Variants in MCRIP2 observed in about 807,000 individuals in gnomAD.
MCRIP2 encodes the protein MAPK regulated corepressor interacting protein 2.
In MCRIP2, 21 loss-of-function variants were observed where a neutral mutation model predicts 23.2. That is an observed-to-expected ratio of 0.90 (90% CI 0.64 to 1.30). The LOEUF is 1.30. MCRIP2 is among the 50% of genes most tolerant of loss of function. The probability of loss-of-function intolerance (pLI) is 0.00; values close to 1 mark genes in which losing one functional copy is unlikely to be tolerated. For missense variants in MCRIP2, 234 were observed against 223.2 expected (o/e 1.05, Z -0.31); for synonymous variants, 121 against 100.2 (o/e 1.21, Z -1.24).
chr16:642,066 G>C, intron 1 of MCRIP2, 23 bp downstream of exon 1: 1 of 1,319,014 alleles, frequency 7.6e-7, no homozygotes. Flanking sequence ...CGGGGAACGG[G>C]AACGGGGACG....
In MCRIP2 at chr16:647,334, GC is replaced by G; in HGVS notation, c.183-80del. The G allele has an allele frequency of 1.9e-6, 3 of 1,575,800 alleles. No individual in the cohort carries two copies. The South Asian group carries it at 3.4e-5, about 18-fold the overall frequency. Reference sequence around the variant, plus strand: ...GGCCAAGTCTGGGGAAAGTGGGCTGGCCCGGGGCTGCTCCTGAGTTCTGCCA... The same window carrying G: ...GGCCAAGTCTGGGGAAAGTGGGCTGGCCGGGGCTGCTCCTGAGTTCTGCCA... On this transcript the variant is annotated intron_variant, in intron 2 of 4. Coordinates refer to ENST00000307650, the MANE Select transcript of MCRIP2 (RefSeq NM_138418.4).
At chr16:642,296 C>G in intron 2 of MCRIP2, 47 bp downstream of exon 2, 1 of 1,144,858 alleles carries the variant, frequency 8.7e-7, no homozygotes, top group Middle Eastern at 3.7e-4. Flanking sequence ...CTTCCCCTCC[C>G]CCGCCGGCCG....
At position 643,691 on chromosome 16, in the gene MCRIP2, C is replaced by T. The variant is rs536574542; in HGVS notation, c.182+1442C>T. On this transcript the variant is annotated intron_variant, in intron 2 of 4. Transcript: ENST00000307650. Reference sequence around the variant, plus strand: ...TCTTCAGTAGCTGGGACTACAGGTGCGTGCCACCATGCCCGGCTAATTTTA... The same window carrying T: ...TCTTCAGTAGCTGGGACTACAGGTGTGTGCCACCATGCCCGGCTAATTTTA... Among the ~76,000 whole-genome samples the T allele has an allele frequency of 2.9e-3, 438 of 151,684 alleles. 1 individual carries two copies. Among genetic ancestry groups the T allele is most frequent in the Admixed American group, 7.5e-3 (114 of 15,268 alleles).
intron 2 of MCRIP2, 89 bp from the exon 3 acceptor site, chr16:647,327 TG>T (rs2151105993): frequency 6.4e-7 from 1 of 1,560,000 alleles, no homozygotes. Context: ...CTGGGGAAAG[TG>T]GGCTGGCCCG....
chr16:643,377 A>G (rs2037398600), intron 2 of MCRIP2, among the ~76,000 whole-genome samples: 2 of 151,940 alleles, frequency 1.3e-5, no homozygotes, highest in Non-Finnish European at 2.9e-5. Flanking sequence ...ACCTGGGGAA[A>G]CCACCTTTCT....
chr16:648,427 T>A lies in MCRIP2; in HGVS notation c.*237T>A. ...TGCCCAGGGACCAGCGACCAGCCCCTGGGGCTGGCAGGGAGGAGCTCCAGG... is the reference window on the plus strand; with the variant it reads ...TGCCCAGGGACCAGCGACCAGCCCCAGGGGCTGGCAGGGAGGAGCTCCAGG... On this transcript the variant is annotated 3_prime_UTR_variant, in exon 5 of 5. Transcript: ENST00000307650. The A allele has an allele frequency of 1.8e-6, 1 of 559,024 alleles. No individual in the cohort carries two copies. Among genetic ancestry groups the A allele is most frequent in the Non-Finnish European group, 3.2e-6 (1 of 312,780 alleles). The allele number at this position is 559,024 out of a possible 1,614,324, so 34.6% of individuals were successfully genotyped here. A position where few individuals can be genotyped will look rare whatever the true frequency, so the allele number is the denominator to read the frequency against.
chr16:648,238 G>C lies in MCRIP2; in HGVS notation c.*48G>C. 1 of 1,545,768 alleles carries C rather than the reference G, an allele frequency of 6.5e-7. No homozygotes were observed. Among genetic ancestry groups the C allele is most frequent in the East Asian group, 2.3e-5 (1 of 43,048 alleles). On this transcript the variant is annotated 3_prime_UTR_variant, in exon 5 of 5. Transcript: ENST00000307650. ...CTACACGGCCGACCTGTCGCCAGGA[G>C]AGAAGCATGGCGCCCTGCCCACCCA...
At chr16:644,989 C>T (rs540563701) in intron 2 of MCRIP2, 2 of 152,064 alleles carry the variant, frequency 1.3e-5, no homozygotes, top group South Asian at 2.1e-4. Context: ...GATGGAGTCT[C>T]GCTCTGTAGC....
chr16:644,925 G>C (rs866119451), intron 2 of MCRIP2, among the ~76,000 whole-genome samples: 20 of 152,102 alleles, frequency 1.3e-4, no homozygotes, highest in African/African-American at 4.8e-4. Flanking sequence ...GCCCACGACA[G>C]TGACAGACCA....
chr16:644,643 T>C (rs539567635), intron 2 of MCRIP2, among the ~76,000 whole-genome samples: 15 of 152,224 alleles, frequency 9.9e-5, no homozygotes, highest in Non-Finnish European at 1.9e-4. Context: ...TCTCACTATG[T>C]GGCCCAGGGT....
intron 3 of MCRIP2, 34 bp downstream of exon 3, chr16:647,578 T>C: frequency 6.2e-7 from 1 of 1,607,680 alleles, no homozygotes; most frequent in Non-Finnish European, 8.5e-7. Flanking sequence ...CGGCATAGGC[T>C]GCTGGGTCGC....
intron 3 of MCRIP2, 95 bp from the exon 4 acceptor site, chr16:647,688 C>G: frequency 6.6e-7 from 1 of 1,513,246 alleles, no homozygotes; most frequent in Non-Finnish European, 9.0e-7. Context: ...TGTGACCAGC[C>G]CTGTGTGGGG....
At chr16:644,920 CGACAGTGACA>C (rs1173265854) in intron 2 of MCRIP2, among the ~76,000 whole-genome samples, 1 of 151,930 alleles carries the variant, frequency 6.6e-6, no homozygotes, top group Non-Finnish European at 1.5e-5. Context: ...GCACTGCCCA[CGACAGTGACA>C]GACCAGATAA....
Position 647,802 on chromosome 16 carries a change from G to A in MCRIP2, c.330G>A (p.Gln110=). Residue 110 remains glutamine, a synonymous_variant, in exon 4 of 5, where the codon CAG becomes CAA. Transcript: ENST00000307650. ...CCACAGCCTGGCAGCAGGTGCAACA[G>A]CAGCTGGATGGTGGCCCAGCCGGTG... ...FVSEAWQQVQ[Q]QLDGGPAGEG... 2 of 1,571,548 alleles carry A rather than the reference G, an allele frequency of 1.3e-6. No individual in the cohort carries two copies. The highest frequency in any genetic ancestry group is 4.7e-5 in the East Asian group (2 of 42,608).
chr16:645,386 G>C (rs1028379549), intron 2 of MCRIP2: 1 of 152,264 alleles, frequency 6.6e-6, no homozygotes, highest in Non-Finnish European at 1.5e-5. Flanking sequence ...CTCCGGAGTA[G>C]CTGGTATTAC....
At chr16:647,681 G>A (rs887689549) in intron 3 of MCRIP2, 102 bp from the exon 4 acceptor site, 159 of 1,514,616 alleles carry the variant, frequency 1.0e-4, no homozygotes, top group Admixed American at 1.6e-4. Flanking sequence ...TGTGTCCTGT[G>A]ACCAGCCCTG....
chr16:642,154 C>A lies in MCRIP2; in HGVS notation c.87C>A (p.Gly29=). Residue 29 remains glycine, a synonymous_variant, in exon 2 of 5, where the codon GGC becomes GGA. Coordinates refer to ENST00000307650, the MANE Select transcript of MCRIP2 (RefSeq NM_138418.4). ...AGCAGCAGGTGGAGGGCCGGCTCGG[C>A]GAGCTCCTGAAATGCCGGCAGCCCG... ...PTQQQVEGRL[G]ELLKCRQPAP... is the part of the protein sequence containing the mutation. The A allele has an allele frequency of 7.3e-7, 1 of 1,361,780 alleles. No homozygotes were observed. Among genetic ancestry groups the A allele is most frequent in the Non-Finnish European group, 9.5e-7 (1 of 1,054,216 alleles). 84.4% of individuals were successfully genotyped at this position (1,361,780 alleles called of 1,614,324 possible).
rs377247260 is a variant in MCRIP2 at position 641,960 on chromosome 16, G to C, written c.-32G>C. The C allele has an allele frequency of 8.4e-6, 11 of 1,303,472 alleles. No homozygotes were observed. The highest frequency in any genetic ancestry group is 6.2e-5 in the African/African-American group (4 of 64,272). The allele number at this position is 1,303,472 out of a possible 1,614,324, so 80.7% of individuals were successfully genotyped here. ...CCCGGCGCAGGGGCCGGATCTGGCC[G>C]GGGGCCGGCGGCGGTGTGGGAGCGG... On this transcript the variant is annotated 5_prime_UTR_variant, in exon 1 of 5. Transcript: ENST00000307650.
intron 2 of MCRIP2, chr16:645,594 G>C (rs2037461679): frequency 1.3e-5 from 2 of 152,260 alleles, no homozygotes; most frequent in Admixed American, 1.3e-4. Flanking sequence ...CCTGGTGGGA[G>C]ATGGATAGGG....
Sources: allele counts gnomAD v4.1 joint callset (sites outside exome capture counted in the v4.1 genomes callset), GRCh38; gene constraint gnomAD v4.1.1; transcripts MANE v1.5; gene names NCBI Gene and HGNC (gene_info 2026-07-23, HGNC 2026-07-21).